The following SMG7 variants were observed in gnomAD, a reference collection of about 807,000 sequenced individuals.
The protein encoded by SMG7 is SMG7 nonsense mediated mRNA decay factor.
SMG7 carries 34 observed loss-of-function variants against 148.2 expected under a neutral mutation model. The ratio of observed to expected loss-of-function variants is 0.23; its 90% CI spans 0.17 to 0.31. The LOEUF is 0.31. Ranked by LOEUF, SMG7 falls within the 10% of genes least tolerant of loss-of-function variation. The pLI, the probability that SMG7 is intolerant of heterozygous loss-of-function variation, is 1.00. For synonymous variants in SMG7, 492 were observed against 515.1 expected, an observed-to-expected ratio of 0.96 and a Z score of 0.61; for missense variants, 1,114 against 1,408.4, an observed-to-expected ratio of 0.79 and a Z score of 3.35.
intron 20 of SMG7, 99 bp from the exon 21 acceptor site, chr1:183,550,652 T>G (rs1319565000): frequency 1.7e-6 from 2 of 1,169,578 alleles, no homozygotes; most frequent in Non-Finnish European, 2.5e-6. Context: ...GTGGTTATTG[T>G]TAGTAGAATT....
Position 183,553,129 on chromosome 1 carries a change from G to C in SMG7, c.*1198G>C. The C allele has an allele frequency of 2.0e-6, 3 of 1,536,372 alleles. No homozygotes were observed. Among genetic ancestry groups the C allele is most frequent in the Non-Finnish European group, 2.6e-6 (3 of 1,146,946 alleles). On this transcript the variant is annotated 3_prime_UTR_variant, in exon 23 of 23. Coordinates refer to ENST00000688051, the MANE Select transcript of SMG7 (RefSeq NM_001375584.1). ...TCAGAGTGAAATTCAAGGCAGCACG[G>C]ACATGTGCCCATCAGGCACAGAAGA...
intron 13 of SMG7, among the ~76,000 whole-genome samples, chr1:183,541,517 C>T (rs891503395): frequency 2.6e-5 from 4 of 152,164 alleles, no homozygotes; most frequent in African/African-American, 7.2e-5. Context: ...CAGATGTGGT[C>T]GTTAGTGTAG....
chr1:183,479,355 A>G (rs1394008581), intron 1 of SMG7, among the ~76,000 whole-genome samples: 1 of 152,134 alleles, frequency 6.6e-6, no homozygotes. Flanking sequence ...CCTGGCCTCT[A>G]TCCATTAAAT....
rs1653021402 is a variant in SMG7 at position 183,477,807 on chromosome 1, T to C, written c.29+5158T>C. Among the ~76,000 whole-genome samples the C allele has an allele frequency of 2.6e-5, 4 of 151,968 alleles. No homozygotes were observed. In the South Asian group the frequency reaches 8.3e-4, roughly 31 times the overall value. On this transcript the variant is annotated intron_variant, in intron 1 of 22. Transcript: ENST00000688051. ...GTGTATGTATACATATATGTATATG[T>C]GTCTATGCACATATGTGTGTATATA...
intron 1 of SMG7, among the ~76,000 whole-genome samples, chr1:183,504,742 A>G (rs565407248): frequency 6.6e-6 from 1 of 152,256 alleles, no homozygotes; most frequent in African/African-American, 2.4e-5. Context: ...CCAAATATTT[A>G]CCATTCTCCT....
rs749921737 is a variant in SMG7, at chr1:183,549,855, C to T, written c.3065C>T (p.Pro1022Leu). Residue 1022 changes from proline to leucine, a missense_variant, in exon 20 of 23, where the codon CCC (proline) becomes CTC (leucine). Transcript: ENST00000688051. ...GCAGAACTCAGTCCCTCAATGGCCCCCCAGGAAACATCTCTGTATTCCCTT... is the reference window on the plus strand; with the variant it reads ...GCAGAACTCAGTCCCTCAATGGCCCTCCAGGAAACATCTCTGTATTCCCTT... ...SKAELSPSMA[P>L]QETSLYSLFE... The T allele has an allele frequency of 1.2e-6, 2 of 1,613,858 alleles. No homozygotes were observed. Among genetic ancestry groups the T allele is most frequent in the East Asian group, 4.5e-5 (2 of 44,868 alleles).
intron 12 of SMG7, 109 bp downstream of exon 12, chr1:183,538,549 T>C: frequency 2.6e-6 from 2 of 783,066 alleles, no homozygotes; most frequent in Non-Finnish European, 4.4e-6. Context: ...CAGCTGTGTG[T>C]TATTTTTGTA....
At chr1:183,473,212 G>A (rs189867347) in intron 1 of SMG7, among the ~76,000 whole-genome samples, 2 of 152,170 alleles carry the variant, frequency 1.3e-5, no homozygotes, top group Non-Finnish European at 2.9e-5. Flanking sequence ...GTCATCTGTA[G>A]TTAGTTGGCG....
At chr1:183,544,530 C>G in intron 15 of SMG7, 33 bp downstream of exon 15, 1 of 1,602,410 alleles carries the variant, frequency 6.2e-7, no homozygotes, top group Non-Finnish European at 8.5e-7. Context: ...TCTACTTAAT[C>G]TTTTCTGTGC....
intron 1 of SMG7, among the ~76,000 whole-genome samples, chr1:183,499,583 T>C (rs1447182695): frequency 1.3e-5 from 2 of 152,242 alleles, no homozygotes; most frequent in East Asian, 3.8e-4. Flanking sequence ...CATTTTTTAA[T>C]CGAGTTGCTT....
Position 183,547,178 on chromosome 1 carries a change from A to AT in SMG7, c.2824dup (p.Ser942PhefsTer2). On this transcript the variant is annotated frameshift_variant, in exon 18 of 23. Transcript: ENST00000688051. LOFTEE classifies it high-confidence loss of function. ...TGCCTTGGAGGAAGAGGAAGAGCTG[A>AT]TTTTTTCTAACCCTCCTGATCTTTA... 2 of 1,550,336 alleles carry AT rather than the reference A, an allele frequency of 1.3e-6. No homozygotes were observed. The highest frequency in any genetic ancestry group is 1.2e-5 in the South Asian group (1 of 84,052).
At chr1:183,493,860 G>A (rs1388522185) in intron 1 of SMG7, among the ~76,000 whole-genome samples, 2 of 152,198 alleles carry the variant, frequency 1.3e-5, no homozygotes, top group Non-Finnish European at 2.9e-5. Context: ...GATTACAGGC[G>A]TGAGTCATAG....
chr1:183,552,251 T>C lies in SMG7; in HGVS notation c.*320T>C, dbSNP rs2102841990. The C allele has an allele frequency of 9.7e-7, 1 of 1,035,216 alleles. No homozygotes were observed. Among genetic ancestry groups the C allele is most frequent in the Non-Finnish European group, 1.2e-6 (1 of 862,586 alleles). The allele number at this position is 1,035,216 out of a possible 1,614,324, so 64.1% of individuals were successfully genotyped here. ...TGCATGTCCCCAGCCACATGGGAAG[T>C]GAAAGCTGAGAAGGGAAGGCAGATG... On this transcript the variant is annotated 3_prime_UTR_variant, in exon 23 of 23. Transcript: ENST00000688051.
chr1:183,553,741 C>T lies in SMG7; in HGVS notation c.*1810C>T, dbSNP rs1436783446. 6.5e-6 allele frequency: 1 copy of T among 153,694 alleles called. No individual in the cohort carries two copies. 9.5% of individuals were successfully genotyped at this position (153,694 alleles called of 1,614,324 possible). A position where few individuals can be genotyped will look rare whatever the true frequency, so the allele number is the denominator to read the frequency against. On this transcript the variant is annotated 3_prime_UTR_variant, in exon 23 of 23. Transcript: ENST00000688051. ...ATATGAAACCTTTTGTGCTTCTCTTCAGCCCCTTCCCTGTGTCCACCTTTC... is the reference window on the plus strand; with the variant it reads ...ATATGAAACCTTTTGTGCTTCTCTTTAGCCCCTTCCCTGTGTCCACCTTTC...
At chr1:183,493,632 A>G (rs911129132) in intron 1 of SMG7, among the ~76,000 whole-genome samples, 9 of 152,172 alleles carry the variant, frequency 5.9e-5, no homozygotes, top group Non-Finnish European at 1.2e-4. Flanking sequence ...CCCAGGCTGG[A>G]GTGCAGTGGC....
intron 1 of SMG7, among the ~76,000 whole-genome samples, chr1:183,476,799 C>T (rs904317891): frequency 4.6e-5 from 7 of 151,734 alleles, no homozygotes; most frequent in African/African-American, 1.2e-4. Context: ...GGTTCTAGGC[C>T]GAATAACATT....
At chr1:183,511,400 G>A (rs554047793) in intron 1 of SMG7, among the ~76,000 whole-genome samples, 1 of 152,292 alleles carries the variant, frequency 6.6e-6, no homozygotes, top group South Asian at 2.1e-4. Flanking sequence ...AAGCAGTAAT[G>A]TTCTGACTGA....
At chr1:183,484,838 G>A (rs1655035952) in intron 1 of SMG7, among the ~76,000 whole-genome samples, 1 of 151,888 alleles carries the variant, frequency 6.6e-6, no homozygotes, top group South Asian at 2.1e-4. Context: ...TGTTTGAAAG[G>A]CTTATTATAC....
chr1:183,501,854 G>C (rs1659804256), intron 1 of SMG7, among the ~76,000 whole-genome samples: 1 of 152,016 alleles, frequency 6.6e-6, no homozygotes, highest in Non-Finnish European at 1.5e-5. Flanking sequence ...TGTTTTAATT[G>C]TTTTACATAT....
Sources: allele counts gnomAD v4.1 joint callset (sites outside exome capture counted in the v4.1 genomes callset), GRCh38; gene constraint gnomAD v4.1.1; transcripts MANE v1.5; gene names NCBI Gene and HGNC (gene_info 2026-07-23, HGNC 2026-07-21).